Variants in SNX8 observed in about 807,000 individuals in gnomAD.
SNX8 encodes the protein sorting nexin-8.
Under a neutral mutation model 51.6 loss-of-function variants are expected in SNX8, and 25 were observed. The observed-to-expected ratio is 0.48, with a 90% CI of 0.35 to 0.68. The LOEUF is 0.68. Among genes scored for constraint, SNX8 ranks in the 30% least tolerant of loss-of-function variants. The pLI, the probability that SNX8 is intolerant of heterozygous loss-of-function variation, is 0.00. For missense variants in SNX8, 695 were observed against 624.0 expected (o/e 1.11, Z -1.21); for synonymous variants, 324 against 277.0 (o/e 1.17, Z -1.68).
chr7:2,271,875 T>C lies in SNX8; in HGVS notation c.515A>G (p.Lys172Arg). Residue 172 changes from lysine to arginine, a missense_variant, in exon 4 of 11, where the codon AAG (lysine) becomes AGG (arginine). Physicochemically the swap from Lys to Arg is conservative, Grantham distance 26 (BLOSUM62 2). Transcript: ENST00000222990. Reference sequence around the variant, plus strand: ...CGAGCCGCTGAAGGACAGGAAGAGCTTGAGGACCACATCCTCGGAGAACAG... The same window carrying C: ...CGAGCCGCTGAAGGACAGGAAGAGCCTGAGGACCACATCCTCGGAGAACAG... Reference protein sequence around the residue: ...HPLFSEDVVLKLFLSFSGSDV... With the variant: ...HPLFSEDVVLRLFLSFSGSDV... 6.2e-7 allele frequency: 1 copy of C among 1,612,586 alleles called. No homozygotes were observed. The highest frequency in any genetic ancestry group is 8.5e-7 in the Non-Finnish European group (1 of 1,179,442).
chr7:2,267,998 G>A (rs1795517215), intron 5 of SNX8, among the ~76,000 whole-genome samples: 1 of 149,050 alleles, frequency 6.7e-6, no homozygotes, highest in Non-Finnish European at 1.5e-5. Context: ...CCTCTGCCCG[G>A]CCGAGACCCC....
chr7:2,257,075 AC>A, intron 9 of SNX8, 52 bp from the exon 10 acceptor site: 1 of 1,537,648 alleles, frequency 6.5e-7, no homozygotes, highest in Non-Finnish European at 8.8e-7. Context: ...CGACGGGAGC[AC>A]CAAGGCCCGA....
chr7:2,292,652 C>G (rs917184047), intron 1 of SNX8, among the ~76,000 whole-genome samples: 1 of 152,016 alleles, frequency 6.6e-6, no homozygotes, highest in Admixed American at 6.6e-5. Flanking sequence ...ACCTCATGAT[C>G]CACCCGCCTC....
chr7:2,307,421 T>G (rs964160804), intron 1 of SNX8, among the ~76,000 whole-genome samples: 2 of 151,870 alleles, frequency 1.3e-5, no homozygotes, highest in Non-Finnish European at 2.9e-5. Flanking sequence ...TCACTGAGGT[T>G]CCAAGTTCGA....
intron 1 of SNX8, among the ~76,000 whole-genome samples, chr7:2,301,002 G>A (rs1796378331): frequency 6.6e-6 from 1 of 152,140 alleles, no homozygotes; most frequent in African/African-American, 2.4e-5. Context: ...CCCACAAAAT[G>A]ACTTCAACAC....
chr7:2,302,293 C>T (rs566344406), intron 1 of SNX8, among the ~76,000 whole-genome samples: 85 of 152,210 alleles, frequency 5.6e-4, no homozygotes, highest in Middle Eastern at 3.4e-3. Flanking sequence ...TTGGTGGAGA[C>T]GGGGTTTCGC....
At chr7:2,266,612 TAGGA>T (rs1795470332) in intron 5 of SNX8, among the ~76,000 whole-genome samples, 1 of 152,234 alleles carries the variant, frequency 6.6e-6, no homozygotes, top group Non-Finnish European at 1.5e-5. Context: ...CCCAAAGTGC[TAGGA>T]TTACAGGCGT....
intron 5 of SNX8, among the ~76,000 whole-genome samples, 156 bp from the exon 6 acceptor site, chr7:2,264,614 C>A (rs969270747): frequency 4.6e-4 from 70 of 152,182 alleles, no homozygotes; most frequent in African/African-American, 1.6e-3. Context: ...AGGGATCACT[C>A]TGTGTGTCCA....
intron 10 of SNX8, among the ~76,000 whole-genome samples, chr7:2,256,169 C>T (rs1348131735): frequency 2.0e-4 from 5 of 25,330 alleles, no homozygotes; most frequent in African/African-American, 1.7e-3. Flanking sequence ...CGGCTGTCTA[C>T]CGCCTCTCCA....
intron 1 of SNX8, among the ~76,000 whole-genome samples, chr7:2,331,295 G>C (rs1583117611): frequency 6.6e-6 from 1 of 150,494 alleles, no homozygotes; most frequent in South Asian, 2.1e-4. Context: ...AAAGCTACTA[G>C]ACTAATAATC....
intron 1 of SNX8, among the ~76,000 whole-genome samples, chr7:2,346,921 CAAAAAAAAAAA>C (rs758069233): frequency 4.0e-5 from 2 of 49,772 alleles, no homozygotes; most frequent in East Asian, 6.7e-4. Context: ...GACTCCGTCT[CAAAAAAAAAAA>C]AAAAAAAAAG....
intron 1 of SNX8, among the ~76,000 whole-genome samples, chr7:2,330,286 C>T (rs925861369): frequency 6.7e-5 from 10 of 150,100 alleles, no homozygotes; most frequent in African/African-American, 2.0e-4. Context: ...TACAGGTGCC[C>T]GCCACCACGT....
At chr7:2,270,996 G>A (rs1038757142) in intron 4 of SNX8, among the ~76,000 whole-genome samples, 3 of 152,238 alleles carry the variant, frequency 2.0e-5, no homozygotes, top group African/African-American at 4.8e-5. Flanking sequence ...TTCCCTGGAG[G>A]GGCTGGCAGC....
intron 8 of SNX8, 22 bp downstream of exon 8, chr7:2,257,713 C>G (rs747041574): frequency 1.2e-6 from 2 of 1,611,104 alleles, no homozygotes; most frequent in East Asian, 2.2e-5. Flanking sequence ...CTGCCCCCAG[C>G]CAAGGAGCAG....
rs765202814 is a variant in SNX8 at position 2,271,966 on chromosome 7, T to C, written c.424A>G (p.Arg142Gly). 1.9e-6 allele frequency: 3 copies of C among 1,613,936 alleles called. No homozygotes were observed. Among genetic ancestry groups the C allele is most frequent in the South Asian group, 2.2e-5 (2 of 91,092 alleles). ...CTCCTCCTGGCCTCGATGAACTCCC[T>C]GTCAGCTGGAGGAGCACACGGGGTC... is the stretch of plus-strand genomic sequence containing the variant. ...LPPKRMLGAD[R>G]EFIEARRRAL... is the part of the protein sequence containing the mutation. The change falls in exon 4 of 11, where the codon AGG becomes GGG. Residue 142 changes from arginine (R) to glycine (G), a missense_variant. By Grantham distance (125) the Arg-to-Gly change is moderately radical (BLOSUM62 -2). Coordinates refer to ENST00000222990, the MANE Select transcript of SNX8 (RefSeq NM_013321.4).
chr7:2,348,823 G>A (rs959270362), intron 1 of SNX8, among the ~76,000 whole-genome samples: 1 of 151,538 alleles, frequency 6.6e-6, no homozygotes, highest in African/African-American at 2.4e-5. Flanking sequence ...ATAGTGGTGT[G>A]CGCCTGTAAT....
intron 1 of SNX8, among the ~76,000 whole-genome samples, chr7:2,346,896 G>A (rs1482320345): frequency 2.0e-5 from 3 of 147,552 alleles, no homozygotes; most frequent in African/African-American, 7.5e-5. Flanking sequence ...CGCCAGCCTG[G>A]GCGACAGAGA....
intron 1 of SNX8, among the ~76,000 whole-genome samples, chr7:2,291,765 C>T (rs1049798430): frequency 6.6e-6 from 1 of 152,140 alleles, no homozygotes; most frequent in African/African-American, 2.4e-5. Flanking sequence ...TCTATCAGTC[C>T]TTCCTTCCTT....
At chr7:2,303,401 C>A (rs1289451514) in intron 1 of SNX8, among the ~76,000 whole-genome samples, 1 of 151,806 alleles carries the variant, frequency 6.6e-6, no homozygotes, top group African/African-American at 2.4e-5. Context: ...CCGGCCGCCC[C>A]TACTGGGAAG....
Sources: allele counts gnomAD v4.1 joint callset (sites outside exome capture counted in the v4.1 genomes callset), GRCh38; gene constraint gnomAD v4.1.1; transcripts MANE v1.5; gene names NCBI Gene and HGNC (gene_info 2026-07-23, HGNC 2026-07-21).